The following THSD7B variants were observed in gnomAD, a reference collection of about 807,000 sequenced individuals.
The protein encoded by THSD7B is thrombospondin type-1 domain-containing protein 7B.
A neutral mutation model predicts 213.6 loss-of-function variants in THSD7B; 138 were observed. The observed-to-expected ratio is 0.65, with a 90% CI of 0.56 to 0.74. The LOEUF (loss-of-function observed/expected upper bound fraction) is 0.74. Among genes scored for constraint, THSD7B ranks in the 30% least tolerant of loss-of-function variants. The pLI, the probability that THSD7B is intolerant of heterozygous loss-of-function variation, is 0.00. For missense variants in THSD7B, 1,931 were observed against 1,991.5 expected, an observed-to-expected ratio of 0.97 and a Z score of 0.58; for synonymous variants, 742 against 687.0, an observed-to-expected ratio of 1.08 and a Z score of -1.25.
intron 1 of THSD7B, among the ~76,000 whole-genome samples, chr2:136,770,088 G>C (rs1433553143): frequency 2.0e-5 from 3 of 152,208 alleles, no homozygotes; most frequent in Non-Finnish European, 4.4e-5. Flanking sequence ...CTAGTGTTAT[G>C]TTAGCGAACA....
intron 7 of THSD7B, among the ~76,000 whole-genome samples, chr2:137,202,685 C>T (rs186963477): frequency 6.6e-6 from 1 of 152,220 alleles, no homozygotes; most frequent in East Asian, 1.9e-4. Flanking sequence ...TTATGTAGGG[C>T]TTCTTAAGTT....
At chr2:137,340,391 G>A (rs1167173630) in intron 12 of THSD7B, among the ~76,000 whole-genome samples, 1 of 151,836 alleles carries the variant, frequency 6.6e-6, no homozygotes, top group Non-Finnish European at 1.5e-5. Flanking sequence ...TGAATACAAT[G>A]TGGAATAATT....
chr2:136,945,822 A>G (rs879649198), intron 2 of THSD7B, among the ~76,000 whole-genome samples: 1 of 152,178 alleles, frequency 6.6e-6, no homozygotes, highest in African/African-American at 2.4e-5. Context: ...CAGCTCCATC[A>G]GGTCATTTAA....
intron 7 of THSD7B, among the ~76,000 whole-genome samples, chr2:137,209,159 T>A (rs13396444): frequency 0.6 from 90,016 of 151,214 alleles, 27,160 homozygotes; most frequent in South Asian, 0.71. Context: ...AGATGGAGTC[T>A]ACTATGTCAG....
intron 15 of THSD7B, among the ~76,000 whole-genome samples, chr2:137,519,683 T>C (rs1215588566): frequency 6.6e-6 from 1 of 152,164 alleles, no homozygotes; most frequent in Non-Finnish European, 1.5e-5. Flanking sequence ...GAAGGACAAG[T>C]CTGGGGCTGA....
At chr2:137,052,916 T>C (rs1687095303) in intron 2 of THSD7B, among the ~76,000 whole-genome samples, 1 of 152,206 alleles carries the variant, frequency 6.6e-6, no homozygotes, top group Non-Finnish European at 1.5e-5. Context: ...TGTTTTTCAT[T>C]TATTCCATGT....
intron 4 of THSD7B, among the ~76,000 whole-genome samples, chr2:137,106,242 C>T (rs1371030426): frequency 1.3e-5 from 2 of 152,120 alleles, no homozygotes; most frequent in Admixed American, 6.6e-5. Context: ...AGTAATGCCA[C>T]ACATCTACAA....
chr2:137,129,336 G>T (rs78380315), intron 5 of THSD7B, among the ~76,000 whole-genome samples: 3,342 of 152,160 alleles, frequency 0.022, 134 homozygotes, highest in African/African-American at 0.075. Context: ...TTTAGACCCT[G>T]TTGCTGCAGT....
chr2:137,163,126 A>C (rs1680051075), intron 6 of THSD7B, among the ~76,000 whole-genome samples: 1 of 152,060 alleles, frequency 6.6e-6, no homozygotes, highest in Non-Finnish European at 1.5e-5. Context: ...CCTTGGCCCC[A>C]TTCCGCCAAG....
intron 2 of THSD7B, among the ~76,000 whole-genome samples, chr2:136,934,061 C>T (rs1382620406): frequency 6.6e-6 from 1 of 152,122 alleles, no homozygotes. Context: ...AGGCATTAGT[C>T]TAATTAAATT....
chr2:136,829,242 A>G (rs1266281244), intron 1 of THSD7B, among the ~76,000 whole-genome samples: 2 of 151,434 alleles, frequency 1.3e-5, no homozygotes, highest in African/African-American at 2.4e-5. Context: ...GTTTTGAACC[A>G]CGACTTGAAG....
chr2:136,888,078 T>C (rs1481679993), intron 2 of THSD7B, among the ~76,000 whole-genome samples: 1 of 152,230 alleles, frequency 6.6e-6, no homozygotes, highest in African/African-American at 2.4e-5. Flanking sequence ...ACAATTTCTG[T>C]ATACTTCTCT....
intron 15 of THSD7B, among the ~76,000 whole-genome samples, chr2:137,542,555 G>A (rs538666885): frequency 6.6e-6 from 1 of 151,638 alleles, no homozygotes; most frequent in Non-Finnish European, 1.5e-5. Context: ...AACTACCTAA[G>A]TATCGAACAC....
At chr2:136,971,059 T>C (rs961696451) in intron 2 of THSD7B, among the ~76,000 whole-genome samples, 5 of 152,102 alleles carry the variant, frequency 3.3e-5, no homozygotes, top group African/African-American at 1.2e-4. Flanking sequence ...CCTGAAAATG[T>C]TTTGCACCTA....
intron 24 of THSD7B, 29 bp from the exon 25 acceptor site, chr2:137,659,635 T>G (rs918023291): frequency 1.3e-6 from 2 of 1,563,154 alleles, no homozygotes; most frequent in Non-Finnish European, 8.7e-7. Flanking sequence ...TAGAGAAATC[T>G]GCAAATGATG....
At chr2:137,311,671 A>T (rs1048056409) in intron 12 of THSD7B, among the ~76,000 whole-genome samples, 2 of 151,856 alleles carry the variant, frequency 1.3e-5, no homozygotes, top group African/African-American at 4.8e-5. Context: ...TTATTTTGAG[A>T]TATGTCCCAT....
rs542174633 is a variant in THSD7B at position 136,858,310 on chromosome 2, C to T, written c.-35-23834C>T. 2.0e-5 allele frequency among the ~76,000 whole-genome samples: 3 copies of T among 152,194 alleles called. No homozygotes were observed. The South Asian group carries it at 6.2e-4, about 32-fold the overall frequency. On this transcript the variant is annotated intron_variant, in intron 1 of 27. Transcript: ENST00000409968. Reference sequence around the variant, plus strand: ...CTTTGAAAAAAATCAACAAATAAGGCCCATTGTAAAAATAATCTATAGTTC... The same window carrying T: ...CTTTGAAAAAAATCAACAAATAAGGTCCATTGTAAAAATAATCTATAGTTC...
intron 17 of THSD7B, among the ~76,000 whole-genome samples, chr2:137,596,948 A>G (rs1558853984): frequency 6.6e-6 from 1 of 152,132 alleles, no homozygotes; most frequent in Non-Finnish European, 1.5e-5. Context: ...CCATAAAAAC[A>G]ATAGAATGTA....
intron 5 of THSD7B, 64 bp from the exon 6 acceptor site, chr2:137,160,148 AG>A (rs1679987541): frequency 1.3e-6 from 2 of 1,500,884 alleles, no homozygotes; most frequent in Non-Finnish European, 1.8e-6. Context: ...ATGCAAATAA[AG>A]GCAGAAGCAA....
Sources: allele counts gnomAD v4.1 joint callset (sites outside exome capture counted in the v4.1 genomes callset), GRCh38; gene constraint gnomAD v4.1.1; transcripts MANE v1.5; gene names NCBI Gene and HGNC (gene_info 2026-07-23, HGNC 2026-07-21).